Variants in SLC2A13 observed in about 807,000 individuals in gnomAD.
The protein encoded by SLC2A13 is solute carrier family 2 member 13, also known as proton myo-inositol cotransporter.
Under a neutral mutation model 64.4 loss-of-function variants are expected in SLC2A13, and 32 were observed. The ratio of observed to expected loss-of-function variants is 0.50; its 90% confidence interval spans 0.37 to 0.67. The LOEUF is 0.67. Among genes scored for constraint, SLC2A13 ranks in the 30% least tolerant of loss-of-function variants. The pLI is 0.00. For missense variants in SLC2A13, 743 were observed against 829.2 expected (o/e 0.90, Z 1.28); for synonymous variants, 338 against 327.1 (o/e 1.03, Z -0.36).
At chr12:40,039,459 A>T (rs1948047442) in intron 2 of SLC2A13, among the ~76,000 whole-genome samples, 1 of 152,136 alleles carries the variant, frequency 6.6e-6, no homozygotes, top group Admixed American at 6.5e-5. Flanking sequence ...GCCATCTCTT[A>T]TTCATTCCTG....
chr12:39,810,946 G>A (rs1281915710), intron 7 of SLC2A13, among the ~76,000 whole-genome samples: 1 of 152,062 alleles, frequency 6.6e-6, no homozygotes, highest in Non-Finnish European at 1.5e-5. Context: ...CTTATAAAAT[G>A]AGTTGGGAAA....
chr12:39,972,083 T>TA, intron 3 of SLC2A13, among the ~76,000 whole-genome samples: 1 of 142,366 alleles, frequency 7.0e-6, no homozygotes, highest in Non-Finnish European at 1.5e-5. Context: ...AGAATTTATA[T>TA]TTATATATAT....
At chr12:39,935,194 T>C (rs1029600144) in intron 4 of SLC2A13, among the ~76,000 whole-genome samples, 3 of 152,068 alleles carry the variant, frequency 2.0e-5, no homozygotes, top group African/African-American at 7.2e-5. Flanking sequence ...GTTTAAGACC[T>C]GCCTGGGCAA....
intron 1 of SLC2A13, among the ~76,000 whole-genome samples, chr12:40,084,247 C>A (rs1938518030): frequency 6.6e-6 from 1 of 152,230 alleles, no homozygotes; most frequent in Admixed American, 6.5e-5. Context: ...ACAAATACTT[C>A]CAACTTCTGC....
chr12:39,976,781 T>C (rs960298981), intron 3 of SLC2A13, among the ~76,000 whole-genome samples: 19 of 152,172 alleles, frequency 1.2e-4, no homozygotes, highest in South Asian at 4.1e-4. Context: ...TTATATAAGA[T>C]GTTTTCATTG....
At chr12:40,025,736 G>C (rs2136213030) in intron 3 of SLC2A13, among the ~76,000 whole-genome samples, 1 of 152,272 alleles carries the variant, frequency 6.6e-6, no homozygotes, top group South Asian at 2.1e-4. Flanking sequence ...TGATGTTGTG[G>C]ATCAAAATTC....
At chr12:39,810,189 CTTAG>C (rs1222232402) in intron 7 of SLC2A13, among the ~76,000 whole-genome samples, 1 of 152,144 alleles carries the variant, frequency 6.6e-6, no homozygotes, top group Non-Finnish European at 1.5e-5. Context: ...GTGTGATCTA[CTTAG>C]TTAGATCTTC....
At chr12:40,098,343 A>G (rs1939033516) in intron 1 of SLC2A13, among the ~76,000 whole-genome samples, 1 of 152,174 alleles carries the variant, frequency 6.6e-6, no homozygotes, top group South Asian at 2.1e-4. Flanking sequence ...TAGGGAAGAG[A>G]GGCTGGGGAA....
intron 3 of SLC2A13, among the ~76,000 whole-genome samples, chr12:40,004,865 AAG>A (rs1947387878): frequency 1.3e-5 from 2 of 152,224 alleles, no homozygotes; most frequent in Admixed American, 6.5e-5. Context: ...AGAAAATCAT[AAG>A]AGAGAAAAAT....
In SLC2A13 at chr12:40,105,225, G is replaced by T; in HGVS notation, c.556+28C>A. Reference sequence around the variant, plus strand: ...TCAAGGGCGGTGACAATGGGATCCCGGGCGCCCTTCACGGAGCCCGAACTC... The same window carrying T: ...TCAAGGGCGGTGACAATGGGATCCCTGGCGCCCTTCACGGAGCCCGAACTC... On this transcript the variant is annotated intron_variant, in intron 1 of 9. Transcript: ENST00000280871. The surrounding 1 kb of genome is among the most constrained non-coding windows in gnomAD (Gnocchi z 4.2). 1 of 1,534,782 alleles carries T rather than the reference G, an allele frequency of 6.5e-7. No homozygotes were observed. Among genetic ancestry groups the T allele is most frequent in the South Asian group, 1.2e-5 (1 of 81,074 alleles).
chr12:39,768,116 G>C (rs571593923), intron 7 of SLC2A13, among the ~76,000 whole-genome samples: 1 of 152,214 alleles, frequency 6.6e-6, no homozygotes, highest in Non-Finnish European at 1.5e-5. Flanking sequence ...AAGGTGTGAA[G>C]TGAAAACAGC....
At chr12:39,821,406 T>A in intron 7 of SLC2A13, among the ~76,000 whole-genome samples, 1 of 151,208 alleles carries the variant, frequency 6.6e-6, no homozygotes, top group East Asian at 1.9e-4. Flanking sequence ...CAAGACTCCG[T>A]CTCAAAAAAA....
chr12:39,846,614 G>C (rs1592199406), intron 6 of SLC2A13, among the ~76,000 whole-genome samples: 1 of 152,100 alleles, frequency 6.6e-6, no homozygotes, highest in Non-Finnish European at 1.5e-5. Flanking sequence ...AACATGTGTG[G>C]CTAATTTTTT....
intron 3 of SLC2A13, among the ~76,000 whole-genome samples, chr12:40,020,464 T>C (rs1439824700): frequency 6.6e-6 from 1 of 152,224 alleles, no homozygotes; most frequent in Non-Finnish European, 1.5e-5. Flanking sequence ...ACTATGATTC[T>C]GAATTTCCTG....
At chr12:39,853,359 T>C (rs1390235754) in intron 6 of SLC2A13, among the ~76,000 whole-genome samples, 3 of 152,106 alleles carry the variant, frequency 2.0e-5, no homozygotes, top group African/African-American at 4.8e-5. Flanking sequence ...GGTTATGATA[T>C]ACTATCTTTA....
intron 5 of SLC2A13, among the ~76,000 whole-genome samples, chr12:39,865,306 G>A (rs1943879850): frequency 6.6e-6 from 1 of 152,128 alleles, no homozygotes; most frequent in Admixed American, 6.5e-5. Context: ...TTCTTCTAAT[G>A]ACATTCAATC....
chr12:39,773,955 G>T (rs942057966), intron 7 of SLC2A13, among the ~76,000 whole-genome samples: 1 of 152,180 alleles, frequency 6.6e-6, no homozygotes, highest in Non-Finnish European at 1.5e-5. Context: ...AGGAGTGTCA[G>T]TGAAGCACGA....
At position 40,083,457 on chromosome 12, in the gene SLC2A13, T is replaced by C. The variant is rs192361735; in HGVS notation, c.556+21796A>G. ...AAAAATAACTGATTCCCTCCCACAC[T>C]CTCTAGACCCCAGGGATCCCTTTTC... is the stretch of plus-strand genomic sequence containing the variant. On this transcript the variant is annotated intron_variant, in intron 1 of 9. Transcript: ENST00000280871. Among the ~76,000 whole-genome samples the C allele has an allele frequency of 1.5e-3, 231 of 152,150 alleles. 1 individual carries two copies. Among genetic ancestry groups the C allele is most frequent in the Admixed American group, 3.1e-3 (47 of 15,284 alleles).
intron 3 of SLC2A13, among the ~76,000 whole-genome samples, chr12:40,002,303 A>G (rs1189925257): frequency 6.6e-6 from 1 of 152,230 alleles, no homozygotes; most frequent in Non-Finnish European, 1.5e-5. Flanking sequence ...AGTGAAGTTA[A>G]GTAATGTATC....
Sources: allele counts gnomAD v4.1 joint callset (sites outside exome capture counted in the v4.1 genomes callset), GRCh38; gene constraint gnomAD v4.1.1; non-coding constraint Gnocchi (gnomAD v3.1); transcripts MANE v1.5; gene names NCBI Gene and HGNC (gene_info 2026-07-23, HGNC 2026-07-21).